TRAK1: variants seen among roughly 807,000 people sequenced by gnomAD.
The protein encoded by TRAK1 is trafficking kinesin protein 1, also known as trafficking kinesin-binding protein 1.
A neutral mutation model predicts 92.1 loss-of-function variants in TRAK1; 33 were observed. The observed-to-expected ratio is 0.36, with a 90% CI of 0.27 to 0.48. The LOEUF (loss-of-function observed/expected upper bound fraction) is 0.48. Ranked by LOEUF, TRAK1 falls within the 20% of genes least tolerant of loss-of-function variation. The probability of loss-of-function intolerance (pLI) is 0.99; values close to 1 mark genes in which losing one functional copy is unlikely to be tolerated. For synonymous variants in TRAK1, 521 were observed against 517.3 expected (o/e 1.01, Z -0.10); for missense variants, 1,123 against 1,257.9 (o/e 0.89, Z 1.62).
intron 1 of TRAK1, among the ~76,000 whole-genome samples, chr3:42,121,804 GA>G (rs570447059): frequency 2.6e-4 from 39 of 152,090 alleles, no homozygotes; most frequent in African/African-American, 7.7e-4. Context: ...TCATGTCACA[GA>G]AAAATCAAAT....
chr3:42,023,153 A>G (rs1345269544), intron 1 of TRAK1, among the ~76,000 whole-genome samples: 131 of 30,058 alleles, frequency 4.4e-3, no homozygotes, highest in African/African-American at 0.016. Context: ...GCGAGACTGC[A>G]TCTCAAAAAA....
chr3:42,050,525 A>G (rs1702937854), intron 1 of TRAK1, among the ~76,000 whole-genome samples: 1 of 152,172 alleles, frequency 6.6e-6, no homozygotes, highest in Non-Finnish European at 1.5e-5. Context: ...GGACCCCTGC[A>G]GGTAATCTTG....
chr3:42,163,538 A>G (rs1338199478), intron 2 of TRAK1, among the ~76,000 whole-genome samples: 1 of 151,728 alleles, frequency 6.6e-6, no homozygotes, highest in Non-Finnish European at 1.5e-5. Context: ...ACTGCACTCC[A>G]GCCTGGGCGG....
chr3:42,084,805 T>C (rs1382869406), upstream of TRAK1, among the ~76,000 whole-genome samples: 1 of 150,414 alleles, frequency 6.6e-6, no homozygotes, highest in Non-Finnish European at 1.5e-5. Flanking sequence ...GTTTTCTTTT[T>C]TTTTTTTTTC....
chr3:42,100,501 C>T (rs751225089), intron 1 of TRAK1, among the ~76,000 whole-genome samples: 18 of 152,194 alleles, frequency 1.2e-4, no homozygotes, highest in Non-Finnish European at 1.8e-4. Context: ...ACTCTGTTTA[C>T]TGGAACTAAT....
intron 2 of TRAK1, among the ~76,000 whole-genome samples, chr3:42,130,215 GA>G (rs1286803875): frequency 6.6e-6 from 1 of 151,920 alleles, no homozygotes; most frequent in African/African-American, 2.4e-5. Context: ...CAGCAGACAT[GA>G]AAGCTGCTGC....
intron 2 of TRAK1, among the ~76,000 whole-genome samples, chr3:42,169,909 G>A (rs1202456723): frequency 6.6e-6 from 1 of 152,222 alleles, no homozygotes; most frequent in Non-Finnish European, 1.5e-5. Context: ...CAGCTACAGG[G>A]AGGCACCTTC....
At chr3:42,107,753 A>G (rs2149051755) in intron 1 of TRAK1, among the ~76,000 whole-genome samples, 1 of 152,152 alleles carries the variant, frequency 6.6e-6, no homozygotes, top group Middle Eastern at 3.4e-3. Flanking sequence ...AACTATCTGT[A>G]TCAGTAAGGA....
chr3:42,200,736 C>A, intron 11 of TRAK1, 82 bp from the exon 12 acceptor site: 1 of 1,446,006 alleles, frequency 6.9e-7, no homozygotes, highest in Non-Finnish European at 9.7e-7. Flanking sequence ...GCCCTTTTGG[C>A]TCAGTTGATC....
intron 2 of TRAK1, among the ~76,000 whole-genome samples, chr3:42,137,177 T>C (rs902709142): frequency 6.6e-6 from 1 of 152,224 alleles, no homozygotes; most frequent in Non-Finnish European, 1.5e-5. Flanking sequence ...TGGCATTAAA[T>C]TTCTTGAAAA....
intron 1 of TRAK1, among the ~76,000 whole-genome samples, chr3:42,039,997 T>C (rs1702473830): frequency 6.6e-6 from 1 of 152,192 alleles, no homozygotes; most frequent in South Asian, 2.1e-4. Context: ...CATGTGCTTA[T>C]TGGCCATTTG....
chr3:42,139,019 A>T (rs1698341706), intron 2 of TRAK1, among the ~76,000 whole-genome samples: 1 of 151,354 alleles, frequency 6.6e-6, no homozygotes, highest in Non-Finnish European at 1.5e-5. Context: ...GGAAGGATAA[A>T]TTATTGGGGT....
Position 42,197,960 on chromosome 3 carries a change from T to G in TRAK1, c.1114-1217T>G, listed in dbSNP as rs895328933. Among the ~76,000 whole-genome samples the G allele has an allele frequency of 2.6e-4, 39 of 152,236 alleles. 1 individual carries two copies. The highest frequency in any genetic ancestry group is 5.2e-4 in the Admixed American group (8 of 15,290). ...TATAATTACGAATTCAGGTCCTCAGTCACAAGCCACATTTCTTGTGCTCAC... is the reference window on the plus strand; with the variant it reads ...TATAATTACGAATTCAGGTCCTCAGGCACAAGCCACATTTCTTGTGCTCAC... On this transcript the variant is annotated intron_variant, in intron 10 of 15. Coordinates refer to ENST00000327628, the MANE Select transcript of TRAK1 (RefSeq NM_001042646.3).
chr3:42,078,752 C>CA (rs748321736), intron 1 of TRAK1, among the ~76,000 whole-genome samples: 2,765 of 48,630 alleles, frequency 0.057, 96 homozygotes, highest in East Asian at 0.24. Flanking sequence ...GATTCCATCT[C>CA]AAAAAAAAAA....
chr3:42,109,414 TTAAAA>T (rs1453265834), intron 1 of TRAK1, among the ~76,000 whole-genome samples: 6 of 152,126 alleles, frequency 3.9e-5, no homozygotes, highest in African/African-American at 1.2e-4. Context: ...CAAACAGCAG[TTAAAA>T]TAAAATAGAA....
At position 42,224,207 on chromosome 3, in the gene TRAK1, G is replaced by C. The variant is rs1179049051; in HGVS notation, c.*470G>C. The C allele has an allele frequency of 7.6e-6, 3 of 394,998 alleles. No individual in the cohort carries two copies. In the Admixed American group the frequency reaches 1.1e-4, roughly 14 times the overall value. 24.5% of individuals were successfully genotyped at this position (394,998 alleles called of 1,614,324 possible). A position where few individuals can be genotyped will look rare whatever the true frequency, so the allele number is the denominator to read the frequency against. On this transcript the variant is annotated 3_prime_UTR_variant, in exon 16 of 16. Coordinates refer to ENST00000327628, the MANE Select transcript of TRAK1 (RefSeq NM_001042646.3). ...CTCACCTCGCCCACCCTGTAGGAGC[G>C]TAAGGAGCCTCCATCCTCAGCCACG...
At position 42,202,557 on chromosome 3, in the gene TRAK1, G is replaced by A. The variant is rs146404227; in HGVS notation, c.1549G>A (p.Glu517Lys). 3,560 of 1,579,948 alleles carry A rather than the reference G, an allele frequency of 2.3e-3. 34 individuals carry two copies. Among genetic ancestry groups the A allele is most frequent in the Non-Finnish European group, 1.7e-3 (1,918 of 1,156,292 alleles). Residue 517 changes from glutamate (E) to lysine (K), a missense_variant, in exon 13 of 16, where the codon GAG becomes AAG. By Grantham distance (56) the Glu-to-Lys change is moderately conservative (BLOSUM62 1). Transcript: ENST00000327628. This position sits in a 1 kb window ranked among gnomAD's most constrained non-coding sequence, Gnocchi z 6.1. Reference protein sequence around the residue: ...ENYLSERRFFEEEQERKLQEL... With the variant: ...ENYLSERRFFKEEQERKLQEL... Reference sequence around the variant, plus strand: ...CTACCTCTCGGAGAGGAGGTTCTTTGAGGAGGAGCAAGAGAGGAAGCTCCA... The same window carrying A: ...CTACCTCTCGGAGAGGAGGTTCTTTAAGGAGGAGCAAGAGAGGAAGCTCCA...
At position 42,223,134 on chromosome 3, in the gene TRAK1, G is replaced by T; in HGVS notation, c.2259G>T (p.Val753=). ...LLKERGISAA[V]YDPQSWDRAG... ...AGGAGCGGGGCATTTCTGCTGCCGT[G>T]TACGACCCCCAGAGCTGGGACAGGG... The change falls in exon 16 of 16, where the codon GTG becomes GTT. Residue 753 remains valine (V), a synonymous_variant. Transcript: ENST00000327628. This position sits in a 1 kb window ranked among gnomAD's most constrained non-coding sequence, Gnocchi z 6.1. The T allele has an allele frequency of 6.2e-7, 1 of 1,614,042 alleles. No individual in the cohort carries two copies. The highest frequency in any genetic ancestry group is 2.2e-5 in the East Asian group (1 of 44,858).
intron 1 of TRAK1, among the ~76,000 whole-genome samples, chr3:42,075,355 A>G (rs1274523604): frequency 6.6e-6 from 1 of 151,104 alleles, no homozygotes; most frequent in Non-Finnish European, 1.5e-5. Flanking sequence ...AAAAAAAAAA[A>G]AAAAAAAAAA....
Sources: gnomAD v4.1 joint callset for allele counts (sites outside exome capture counted in the v4.1 genomes callset) on GRCh38, gnomAD v4.1.1 for gene constraint, Gnocchi (gnomAD v3.1) non-coding constraint, MANE v1.5 for transcripts, NCBI Gene and HGNC (gene_info 2026-07-23, HGNC 2026-07-21) for gene names.